BICRAL: variants seen among roughly 807,000 people sequenced by gnomAD.
BICRAL encodes the protein BICRA like chromatin remodeling complex associated protein, also known as BRD4-interacting chromatin-remodeling complex-associated protein-like.
In BICRAL, 8 loss-of-function variants were observed where a neutral mutation model predicts 91.8. The observed-to-expected ratio is 0.09, with a 90% CI of 0.05 to 0.16. The LOEUF (loss-of-function observed/expected upper bound fraction) is 0.16. BICRAL is among the 10% of genes least tolerant of loss of function. BICRAL has a pLI of 1.00. For missense variants in BICRAL, 1,038 were observed against 1,310.9 expected (o/e 0.79, Z 3.21); for synonymous variants, 445 against 491.1 (o/e 0.91, Z 1.24).
chr6:42,860,137 G>T (rs1446514593), intron 10 of BICRAL, 125 bp from the exon 11 acceptor site: 2 of 630,518 alleles, frequency 3.2e-6, no homozygotes, highest in African/African-American at 3.6e-5. Flanking sequence ...TCTAAGAAGA[G>T]AAAATTGCCC....
Position 42,822,781 on chromosome 6 carries a change from T to C in BICRAL, c.42-15T>C, listed in dbSNP as rs751246348. 6.8e-7 allele frequency: 1 copy of C among 1,464,424 alleles called. No homozygotes were observed. The highest frequency in any genetic ancestry group is 2.3e-5 in the East Asian group (1 of 44,076). 90.7% of individuals were successfully genotyped at this position (1,464,424 alleles called of 1,614,324 possible). A position where few individuals can be genotyped will look rare whatever the true frequency, so the allele number is the denominator to read the frequency against. Reference sequence around the variant, plus strand: ...TTGTTTGTTGTTTTATCTCTTTTTTTCCTCTCTTTTCTAGAGACCCACAAG... The same window carrying C: ...TTGTTTGTTGTTTTATCTCTTTTTTCCCTCTCTTTTCTAGAGACCCACAAG... On this transcript the variant is annotated splice_polypyrimidine_tract_variant and intron_variant, in intron 3 of 12. Coordinates refer to ENST00000314073, the MANE Select transcript of BICRAL (RefSeq NM_001393499.1).
At chr6:42,848,002 G>A (rs550138004) in intron 6 of BICRAL, among the ~76,000 whole-genome samples, 4 of 152,052 alleles carry the variant, frequency 2.6e-5, no homozygotes, top group East Asian at 1.9e-4. Context: ...GGTGGCGGGC[G>A]CCTGTAGTCC....
intron 8 of BICRAL, 21 bp downstream of exon 8, chr6:42,853,759 C>T: frequency 1.4e-6 from 2 of 1,465,640 alleles, no homozygotes; most frequent in South Asian, 1.1e-5. Context: ...ATTGGCATAG[C>T]CTCTTCCTAA....
At chr6:42,857,802 A>ATTTTTTT (rs1161596399) in intron 10 of BICRAL, among the ~76,000 whole-genome samples, 21 of 73,674 alleles carry the variant, frequency 2.9e-4, no homozygotes, top group African/African-American at 5.7e-4. Flanking sequence ...CATACCCTGA[A>ATTTTTTT]TTTTTTTTTT....
intron 1 of BICRAL, among the ~76,000 whole-genome samples, chr6:42,809,106 C>G (rs1015924514): frequency 3.3e-5 from 5 of 151,232 alleles, no homozygotes; most frequent in Non-Finnish European, 5.9e-5. Context: ...CCCCCGGCAC[C>G]CCCCCCAACA....
At chr6:42,857,614 A>ATAT (rs1554283187) in intron 10 of BICRAL, among the ~76,000 whole-genome samples, 48 of 96,224 alleles carry the variant, frequency 5.0e-4, no homozygotes, top group South Asian at 9.9e-4. Flanking sequence ...AAAAAAAAAA[A>ATAT]ATATATATAT....
At chr6:42,814,918 T>C (rs967897115) in intron 2 of BICRAL, among the ~76,000 whole-genome samples, 9 of 151,780 alleles carry the variant, frequency 5.9e-5, no homozygotes, top group Non-Finnish European at 1.0e-4. Context: ...CTTTTTTTTT[T>C]CTTTTTTTTT....
In BICRAL at chr6:42,828,257, T is replaced by A. The variant is rs181420138; in HGVS notation, c.160-236T>A. 7.2e-4 allele frequency among the ~76,000 whole-genome samples: 110 copies of A among 151,870 alleles called. 1 individual carries two copies. In the East Asian group the frequency reaches 0.021, roughly 28 times the overall value. On this transcript the variant is annotated intron_variant, in intron 5 of 12. Coordinates refer to ENST00000314073, the MANE Select transcript of BICRAL (RefSeq NM_001393499.1). Reference sequence around the variant, plus strand: ...TCTACTAAAAATACAAAAAATTAGCTGGGCGCGGTGGCAGGCGCCTGTAGT... The same window carrying A: ...TCTACTAAAAATACAAAAAATTAGCAGGGCGCGGTGGCAGGCGCCTGTAGT...
At chr6:42,780,776 C>A (rs1028912397), upstream of BICRAL, among the ~76,000 whole-genome samples, 1 of 152,010 alleles carries the variant, frequency 6.6e-6, no homozygotes, top group African/African-American at 2.4e-5. Context: ...CTTGCTGTGT[C>A]GCCCAGGCTA....
rs778479605 is a variant in BICRAL, at chr6:42,837,751, C to CA, written c.1839+7593dup. On this transcript the variant is annotated intron_variant, in intron 6 of 12. Coordinates refer to ENST00000314073, the MANE Select transcript of BICRAL (RefSeq NM_001393499.1). ...TGGGTGACAGAGCAAGACTCCATCT[C>CA]AAAAAAAAAAAAAAGAAAAATCAAA... 8.4e-3 allele frequency among the ~76,000 whole-genome samples: 908 copies of CA among 107,950 alleles called. 6 individuals are homozygous for CA. The highest frequency in any genetic ancestry group is 0.023 in the African/African-American group (674 of 29,650). 70.8% of individuals were successfully genotyped at this position (107,950 alleles called of 152,430 possible).
At chr6:42,855,503 C>G (rs1001591113) in intron 8 of BICRAL, among the ~76,000 whole-genome samples, 3 of 152,064 alleles carry the variant, frequency 2.0e-5, no homozygotes, top group Admixed American at 1.3e-4. Context: ...GATTGTACCA[C>G]CACACTCCAG....
chr6:42,814,388 TTATA>T (rs1052316856), intron 2 of BICRAL, among the ~76,000 whole-genome samples: 1 of 144,962 alleles, frequency 6.9e-6, no homozygotes. Context: ...TATATATAAA[TTATA>T]TATATACACA....
At chr6:42,751,563 TC>T (rs1762380857) in intron 1 of BICRAL, among the ~76,000 whole-genome samples, 1 of 152,104 alleles carries the variant, frequency 6.6e-6, no homozygotes. Flanking sequence ...AATAGGCCCT[TC>T]GGTGTTCTCT....
intron 1 of BICRAL, among the ~76,000 whole-genome samples, chr6:42,790,043 GAATC>G (rs1763223267): frequency 2.0e-5 from 3 of 149,770 alleles, no homozygotes; most frequent in African/African-American, 5.0e-5. Context: ...GTGAGAAAAA[GAATC>G]AAGACCATTG....
At chr6:42,785,763 A>G (rs1274473968) in intron 1 of BICRAL, among the ~76,000 whole-genome samples, 1 of 152,156 alleles carries the variant, frequency 6.6e-6, no homozygotes, top group Non-Finnish European at 1.5e-5. Context: ...ATGGATAAAA[A>G]CACAGGTCAG....
chr6:42,760,849 C>T (rs1308902969), intron 1 of BICRAL, among the ~76,000 whole-genome samples: 1 of 152,258 alleles, frequency 6.6e-6, no homozygotes, highest in East Asian at 1.9e-4. Context: ...TGGCGAAACC[C>T]GATCTCTACC....
At chr6:42,855,602 G>A (rs569958054) in intron 8 of BICRAL, among the ~76,000 whole-genome samples, 7 of 152,094 alleles carry the variant, frequency 4.6e-5, no homozygotes, top group African/African-American at 1.4e-4. Flanking sequence ...TAGGCATTCA[G>A]GCTTTAAAGT....
intron 1 of BICRAL, among the ~76,000 whole-genome samples, chr6:42,767,022 A>G (rs1008399128): frequency 8.6e-5 from 13 of 151,076 alleles, no homozygotes; most frequent in Admixed American, 7.9e-4. Flanking sequence ...CCTGGGCAAC[A>G]GAGTGAGACT....
chr6:42,857,050 A>C, intron 9 of BICRAL, 41 bp from the exon 10 acceptor site: 1 of 1,544,280 alleles, frequency 6.5e-7, no homozygotes, highest in Non-Finnish European at 8.9e-7. Context: ...TTAATTTCCT[A>C]ACATGACTTT....
Sources: gnomAD v4.1 joint callset for allele counts (sites outside exome capture counted in the v4.1 genomes callset) on GRCh38, gnomAD v4.1.1 for gene constraint, MANE v1.5 for transcripts, NCBI Gene and HGNC (gene_info 2026-07-23, HGNC 2026-07-21) for gene names.